IL19: variants seen among roughly 807,000 people sequenced by gnomAD.
IL19 encodes the protein interleukin 19, also known as interleukin-19.
In IL19, 15 loss-of-function variants were observed where a neutral mutation model predicts 19.5. The ratio of observed to expected loss-of-function variants is 0.77; its 90% confidence interval spans 0.52 to 1.19. The LOEUF (loss-of-function observed/expected upper bound fraction) is 1.19. Among genes scored for constraint, IL19 ranks in the 50% most tolerant of loss-of-function variants. IL19 has a pLI of 0.00. For missense variants in IL19, 199 were observed against 213.1 expected (o/e 0.93, Z 0.41); for synonymous variants, 78 against 78.3 (o/e 1.00, Z 0.02).
intron 2 of IL19, among the ~76,000 whole-genome samples, chr1:206,820,941 G>T (rs1168736768): frequency 6.6e-6 from 1 of 152,156 alleles, no homozygotes; most frequent in African/African-American, 2.4e-5. Flanking sequence ...CTCAGCCAAG[G>T]TGTCACCTCT....
chr1:206,788,915 G>A (rs1675325374), intron 1 of IL19, among the ~76,000 whole-genome samples: 1 of 152,166 alleles, frequency 6.6e-6, no homozygotes, highest in Admixed American at 6.5e-5. Flanking sequence ...TCTGTTGTGT[G>A]GTGCCTGTGT....
intron 2 of IL19, among the ~76,000 whole-genome samples, chr1:206,815,130 G>A (rs1177885295): frequency 6.6e-6 from 1 of 152,202 alleles, no homozygotes; most frequent in East Asian, 1.9e-4. Context: ...AGCTCTGCCA[G>A]AGCAGTGGGC....
chr1:206,836,293 C>A (rs551891651), intron 2 of IL19, among the ~76,000 whole-genome samples: 43 of 152,280 alleles, frequency 2.8e-4, no homozygotes, highest in African/African-American at 1.0e-3. Context: ...ACCAACCCTG[C>A]TTTTCCTATT....
At chr1:206,778,397 C>G (rs1675058261) in intron 1 of IL19, among the ~76,000 whole-genome samples, 1 of 152,172 alleles carries the variant, frequency 6.6e-6, no homozygotes, top group African/African-American at 2.4e-5. Flanking sequence ...GTCTGCATGA[C>G]TACCTAGGAT....
In IL19 at chr1:206,842,688, C is replaced by A; in HGVS notation, c.*66C>A. The A allele has an allele frequency of 2.1e-6, 2 of 972,962 alleles. No individual in the cohort carries two copies. Among genetic ancestry groups the A allele is most frequent in the Non-Finnish European group, 3.2e-6 (2 of 634,282 alleles). 60.3% of individuals were successfully genotyped at this position (972,962 alleles called of 1,614,324 possible). A position where few individuals can be genotyped will look rare whatever the true frequency, so the allele number is the denominator to read the frequency against. On this transcript the variant is annotated 3_prime_UTR_variant, in exon 7 of 7. Coordinates refer to ENST00000659997, the MANE Select transcript of IL19 (RefSeq NM_153758.5). ...CTGTGCGGTTTACTGTGGGAGACAG[C>A]CCACCTTGAAGGGGAAGGAGATGGG...
intron 2 of IL19, among the ~76,000 whole-genome samples, chr1:206,825,594 A>C (rs1676419383): frequency 6.6e-6 from 1 of 152,220 alleles, no homozygotes; most frequent in Admixed American, 6.5e-5. Flanking sequence ...CTGGGAGAGA[A>C]GCATGTAGAC....
intron 1 of IL19, among the ~76,000 whole-genome samples, chr1:206,776,881 G>GT (rs1355308315): frequency 4.0e-5 from 4 of 100,974 alleles, no homozygotes; most frequent in Middle Eastern, 0.01. Context: ...TGGGAGCTCT[G>GT]TTTTCACTGT....
At chr1:206,790,220 A>G (rs1323583396) in intron 1 of IL19, among the ~76,000 whole-genome samples, 3 of 152,134 alleles carry the variant, frequency 2.0e-5, no homozygotes, top group Non-Finnish European at 2.9e-5. Context: ...ACTTTTTAAT[A>G]ATGGCCTTTC....
Position 206,808,500 on chromosome 1 carries a change from CGTGTGT to C in IL19, c.-3+9514_-3+9519del, listed in dbSNP as rs36044951. 9.6e-3 allele frequency among the ~76,000 whole-genome samples: 1,433 copies of C among 148,652 alleles called. 29 individuals are homozygous for C. The highest frequency in any genetic ancestry group is 0.033 in the African/African-American group (1,355 of 40,478). On this transcript the variant is annotated intron_variant, in intron 2 of 6. Coordinates refer to ENST00000659997, the MANE Select transcript of IL19 (RefSeq NM_153758.5). ...AGGTATGAAGGGAATTGTGTGTGTG[CGTGTGT>C]GTGTGTGTGTGTGTGTGTGCCCATG...
chr1:206,830,207 G>A (rs1427810041), intron 2 of IL19, among the ~76,000 whole-genome samples: 1 of 152,156 alleles, frequency 6.6e-6, no homozygotes, highest in Non-Finnish European at 1.5e-5. Context: ...CGGTGCCATG[G>A]AGGGCTGGTT....
intron 2 of IL19, among the ~76,000 whole-genome samples, chr1:206,823,427 C>T (rs527728094): frequency 4.6e-5 from 7 of 151,900 alleles, no homozygotes; most frequent in East Asian, 2.0e-4. Context: ...TGGTGGCGTG[C>T]GCCTGCAGTC....
chr1:206,795,932 T>C (rs1419826619), intron 1 of IL19, among the ~76,000 whole-genome samples: 3 of 122,962 alleles, frequency 2.4e-5, no homozygotes, highest in African/African-American at 8.4e-5. Context: ...TATATATGTG[T>C]GTGTGTGTGT....
intron 1 of IL19, among the ~76,000 whole-genome samples, chr1:206,797,625 C>T (rs893418459): frequency 1.3e-5 from 2 of 152,122 alleles, no homozygotes; most frequent in African/African-American, 4.8e-5. Context: ...AATCATTTTC[C>T]TGATCTTTTT....
chr1:206,782,156 C>G (rs1410404113), intron 1 of IL19, among the ~76,000 whole-genome samples: 1 of 151,410 alleles, frequency 6.6e-6, no homozygotes, highest in Non-Finnish European at 1.5e-5. Context: ...CAATAATAAA[C>G]CCTTACATGT....
At chr1:206,808,100 G>A (rs1675897796) in intron 2 of IL19, among the ~76,000 whole-genome samples, 1 of 152,208 alleles carries the variant, frequency 6.6e-6, no homozygotes, top group Admixed American at 6.5e-5. Flanking sequence ...GGAGGCTGAG[G>A]CAGGCAGATC....
At chr1:206,778,926 C>T (rs190372967) in intron 1 of IL19, among the ~76,000 whole-genome samples, 2 of 152,204 alleles carry the variant, frequency 1.3e-5, no homozygotes, top group African/African-American at 4.8e-5. Context: ...CCAGCAATGA[C>T]TGTCTGGTTC....
chr1:206,799,104 G>A, intron 2 of IL19, 98 bp downstream of exon 2: 9 of 836,536 alleles, frequency 1.1e-5, no homozygotes, highest in South Asian at 4.3e-5. Flanking sequence ...TGGGTTTTCA[G>A]ACACCTATGA....
chr1:206,794,704 T>TG (rs1675480026), intron 1 of IL19, among the ~76,000 whole-genome samples: 1 of 151,596 alleles, frequency 6.6e-6, no homozygotes, highest in South Asian at 2.1e-4. Flanking sequence ...TGGGTAGGGG[T>TG]GGGTGTGTGG....
chr1:206,803,996 A>G (rs1450534563), intron 2 of IL19, among the ~76,000 whole-genome samples: 2 of 152,182 alleles, frequency 1.3e-5, no homozygotes, highest in African/African-American at 4.8e-5. Flanking sequence ...CTTGAACACT[A>G]CAATATCAAG....
Sources: allele counts gnomAD v4.1 joint callset (sites outside exome capture counted in the v4.1 genomes callset), GRCh38; gene constraint gnomAD v4.1.1; transcripts MANE v1.5; gene names NCBI Gene and HGNC (gene_info 2026-07-23, HGNC 2026-07-21).